POTEB3: variants seen among roughly 807,000 people sequenced by gnomAD.
POTEB3 encodes the protein ANKRD26-like family B member 1.
Under a neutral mutation model 39.8 loss-of-function variants are expected in POTEB3, and 5 were observed. The observed-to-expected ratio is 0.13, with a 90% CI of 0.07 to 0.26. The LOEUF is 0.26. Among genes scored for constraint, POTEB3 ranks in the 10% least tolerant of loss-of-function variants. The pLI, the probability that POTEB3 is intolerant of heterozygous loss-of-function variation, is 1.00. For missense variants in POTEB3, 24 were observed against 475.6 expected (o/e 0.05, Z 8.83); for synonymous variants, 5 against 161.5 (o/e 0.03, Z 7.35).
intron 6 of POTEB3, among the ~76,000 whole-genome samples, chr15:21,422,889 G>T (rs1257766359): frequency 2.0e-5 from 3 of 148,756 alleles, no homozygotes; most frequent in Admixed American, 6.7e-5. Context: ...TTTGTTCAGG[G>T]CTCAGCTTTT....
In POTEB3 at chr15:21,415,086, CAAAAT is replaced by C. The variant is rs1290762538; in HGVS notation, c.1410-4090_1410-4086del. Among the ~76,000 whole-genome samples the C allele has an allele frequency of 9.3e-5, 10 of 107,526 alleles. 1 individual carries two copies. Among genetic ancestry groups the C allele is most frequent in the Admixed American group, 8.5e-4 (10 of 11,696 alleles). The allele number at this position is 107,526 out of a possible 152,430, so 70.5% of individuals were successfully genotyped here. A position where few individuals can be genotyped will look rare whatever the true frequency, so the allele number is the denominator to read the frequency against. The stretch of plus-strand genomic sequence containing the variant: ...TGGGGGATACAGCAAGACTCCATCT[CAAAAT>C]AAAATAAAATACCAGTAAAGTTTGC... On this transcript the variant is annotated intron_variant, in intron 9 of 10. Transcript: ENST00000611217.
chr15:21,422,629 C>G (rs1281274396), intron 6 of POTEB3, among the ~76,000 whole-genome samples: 1 of 137,750 alleles, frequency 7.3e-6, no homozygotes, highest in Non-Finnish European at 1.6e-5. Context: ...GTCTGAGAAG[C>G]CAGAGCCCAC....
intron 9 of POTEB3, among the ~76,000 whole-genome samples, chr15:21,412,846 AAAATAAATAAAT>A (rs55817356): frequency 1.1e-3 from 46 of 43,236 alleles, no homozygotes; most frequent in African/African-American, 9.1e-3. Flanking sequence ...AACAAAAATA[AAAATAAATAAAT>A]AAATAAATAA....
Position 21,419,629 on chromosome 15 carries a change from A to G in POTEB3, c.1244T>C (p.Val415Ala). 1 of 778,382 alleles carries G rather than the reference A, an allele frequency of 1.3e-6. No individual in the cohort carries two copies. Among genetic ancestry groups the G allele is most frequent in the South Asian group, 2.3e-5 (1 of 44,168 alleles). 48.2% of individuals were successfully genotyped at this position (778,382 alleles called of 1,614,324 possible). A position where few individuals can be genotyped will look rare whatever the true frequency, so the allele number is the denominator to read the frequency against. The change falls in exon 9 of 11, where the codon GTT becomes GCT. Residue 415 changes from valine (V) to alanine (A), a missense_variant and splice_region_variant. Val to Ala is a moderately conservative substitution (Grantham distance 64). Coordinates refer to ENST00000611217, the MANE Select transcript of POTEB3 (RefSeq NM_207355.5). ...PEINKDCDRE[V>A]EEEIKKHGSN... is the part of the protein sequence containing the mutation. The stretch of plus-strand genomic sequence containing the variant: ...TCCATGCTTCTTTATTTCTTCTTCA[A>G]CCTTGAGTGGAAGTTTGATATTAAG...
chr15:21,422,858 C>T (rs1470438442), intron 6 of POTEB3, among the ~76,000 whole-genome samples: 1 of 150,592 alleles, frequency 6.6e-6, no homozygotes, highest in African/African-American at 2.4e-5. Context: ...ATAAGTTTGC[C>T]TATATAAGCC....
At chr15:21,414,301 C>T (rs2141345512) in intron 9 of POTEB3, among the ~76,000 whole-genome samples, 1 of 119,594 alleles carries the variant, frequency 8.4e-6, no homozygotes, top group South Asian at 2.2e-4. Flanking sequence ...ATAAATTATA[C>T]AGAGAAATAT....
At chr15:21,433,249 G>A (rs1257534119) in intron 3 of POTEB3, among the ~76,000 whole-genome samples, 1 of 151,042 alleles carries the variant, frequency 6.6e-6, no homozygotes, top group African/African-American at 2.4e-5. Flanking sequence ...CGGATTTTGA[G>A]AAATTTGTTG....
rs1283942678 is a variant in POTEB3 at position 21,405,817 on chromosome 15, T to A, written c.*3166A>T. Reference sequence around the variant, plus strand: ...TAAGATGTTGAATATCTTTTCTGGCTTGTACAGTTTCAGTTGAGAGGTCTG... The same window carrying A: ...TAAGATGTTGAATATCTTTTCTGGCATGTACAGTTTCAGTTGAGAGGTCTG... On this transcript the variant is annotated 3_prime_UTR_variant, in exon 11 of 11. Coordinates refer to ENST00000611217, the MANE Select transcript of POTEB3 (RefSeq NM_207355.5). 1.2e-5 allele frequency among the ~76,000 whole-genome samples: 1 copy of A among 83,466 alleles called. No individual in the cohort carries two copies. Among genetic ancestry groups the A allele is most frequent in the Non-Finnish European group, 2.1e-5 (1 of 46,844 alleles). 54.8% of individuals were successfully genotyped at this position (83,466 alleles called of 152,430 possible).
intron 10 of POTEB3, among the ~76,000 whole-genome samples, chr15:21,410,008 T>C (rs1436790486): frequency 1.1e-5 from 1 of 94,866 alleles, no homozygotes; most frequent in African/African-American, 8.4e-5. Flanking sequence ...CACACATATA[T>C]ATATGCAACG....
At chr15:21,433,667 G>A (rs1247789506) in intron 3 of POTEB3, among the ~76,000 whole-genome samples, 1 of 147,874 alleles carries the variant, frequency 6.8e-6, no homozygotes, top group Admixed American at 6.7e-5. Flanking sequence ...CCTGGTAAGA[G>A]TAGAACAAGG....
chr15:21,418,063 A>AC lies in POTEB3; in HGVS notation c.1409+1400_1409+1401insG, dbSNP rs1397454212. ...CCATAGAGTCAATTAGCTGGGTGTG[A>AC]TGTTGCACACTTGGGGTCCCAGCTA... On this transcript the variant is annotated intron_variant, in intron 9 of 10. Coordinates refer to ENST00000611217, the MANE Select transcript of POTEB3 (RefSeq NM_207355.5). Among the ~76,000 whole-genome samples, 11 of 98,970 alleles carry AC rather than the reference A, an allele frequency of 1.1e-4. 2 individuals are homozygous for AC. The highest frequency in any genetic ancestry group is 9.3e-5 in the Non-Finnish European group (5 of 53,662). 64.9% of individuals were successfully genotyped at this position (98,970 alleles called of 152,430 possible). A position where few individuals can be genotyped will look rare whatever the true frequency, so the allele number is the denominator to read the frequency against.
Position 21,408,829 on chromosome 15 carries a change from GCTAT to G in POTEB3, c.*150_*153del. 1 of 451,104 alleles carries G rather than the reference GCTAT, an allele frequency of 2.2e-6. No individual in the cohort carries two copies. Among genetic ancestry groups the G allele is most frequent in the Non-Finnish European group, 3.9e-6 (1 of 257,196 alleles). 27.9% of individuals were successfully genotyped at this position (451,104 alleles called of 1,614,324 possible). ...GTTCTCTGGAAAGAAGTCCCTTTCA[GCTAT>G]CTGACTTTGATCACAATCATGTAGA... On this transcript the variant is annotated 3_prime_UTR_variant, in exon 11 of 11. Coordinates refer to ENST00000611217, the MANE Select transcript of POTEB3 (RefSeq NM_207355.5).
intron 9 of POTEB3, among the ~76,000 whole-genome samples, chr15:21,413,506 TTATATATATATATATATATATA>T (rs1160375320): frequency 2.1e-3 from 3 of 1,460 alleles, no homozygotes; most frequent in Admixed American, 7.1e-3. Flanking sequence ...ATAAAGAAAA[TTATATATATATATATATATATA>T]TATATATATA....
In POTEB3 at chr15:21,431,788, ATTTCACCAC is replaced by A. The variant is rs1898983863; in HGVS notation, c.859_867del (p.Val287_Lys289del). On this transcript the variant is annotated inframe_deletion, in exon 4 of 11. Coordinates refer to ENST00000611217, the MANE Select transcript of POTEB3 (RefSeq NM_207355.5). ...AAATTAGCTTTTTTCTTGATTAAAA[ATTTCACCAC>A]TTGCTGTTTTTGTTCATGTACGCCA... 1 of 1,584,098 alleles carries A rather than the reference ATTTCACCAC, an allele frequency of 6.3e-7. No individual in the cohort carries two copies. Among genetic ancestry groups the A allele is most frequent in the African/African-American group, 1.4e-5 (1 of 73,012 alleles).
chr15:21,410,692 A>G (rs1898303088), intron 10 of POTEB3, among the ~76,000 whole-genome samples, 186 bp downstream of exon 10: 1 of 80,558 alleles, frequency 1.2e-5, no homozygotes, highest in African/African-American at 9.9e-5. Flanking sequence ...TCCTATGTGT[A>G]CATATATAGA....
At chr15:21,415,250 C>T (rs11853614) in intron 9 of POTEB3, among the ~76,000 whole-genome samples, 2,535 of 67,624 alleles carry the variant, frequency 0.037, 94 homozygotes, top group African/African-American at 0.086. Context: ...TTATAAAGAG[C>T]CAAAACAATT....
chr15:21,434,261 C>A, intron 3 of POTEB3, among the ~76,000 whole-genome samples: 1 of 127,994 alleles, frequency 7.8e-6, no homozygotes, highest in Non-Finnish European at 1.6e-5. Context: ...TAGGAATTTG[C>A]CAAAGTAGCA....
At chr15:21,430,755 G>C (rs2606025) in intron 4 of POTEB3, among the ~76,000 whole-genome samples, 1 of 151,336 alleles carries the variant, frequency 6.6e-6, no homozygotes, top group East Asian at 1.9e-4. Flanking sequence ...GATATGCTGT[G>C]ATAGAAAATT....
chr15:21,415,211 T>TA (rs1256098255), intron 9 of POTEB3, among the ~76,000 whole-genome samples: 3 of 89,720 alleles, frequency 3.3e-5, no homozygotes, highest in African/African-American at 2.4e-4. Flanking sequence ...TCTCTCTAAA[T>TA]AAAAAAATAA....
Sources: allele counts gnomAD v4.1 joint callset (sites outside exome capture counted in the v4.1 genomes callset), GRCh38; gene constraint gnomAD v4.1.1; transcripts MANE v1.5; gene names NCBI Gene and HGNC (gene_info 2026-07-23, HGNC 2026-07-21).